TBCD: variants seen among roughly 807,000 people sequenced by gnomAD.
The protein encoded by TBCD is tubulin folding cofactor D.
A neutral mutation model predicts 169.3 loss-of-function variants in TBCD; 105 were observed. The observed-to-expected ratio is 0.62, with a 90% confidence interval of 0.53 to 0.73. The LOEUF (loss-of-function observed/expected upper bound fraction) is 0.73. Among genes scored for constraint, TBCD ranks in the 30% least tolerant of loss-of-function variants. The pLI is 0.00. For synonymous variants in TBCD, 700 were observed against 643.9 expected (o/e 1.09, Z -1.32); for missense variants, 1,444 against 1,600.1 (o/e 0.90, Z 1.66).
intron 13 of TBCD, chr17:82,830,901 TA>T (rs1280474046): frequency 3.7e-6 from 6 of 1,612,488 alleles, no homozygotes; most frequent in African/African-American, 1.3e-5. Flanking sequence ...AGAAAAAGCT[TA>T]GTAGGAGCTT....
intron 13 of TBCD, among the ~76,000 whole-genome samples, chr17:82,823,316 G>C (rs1293792157): frequency 6.6e-6 from 1 of 152,226 alleles, no homozygotes; most frequent in African/African-American, 2.4e-5. Flanking sequence ...GGTTGGGTCT[G>C]AGCACGTCCT....
intron 13 of TBCD, among the ~76,000 whole-genome samples, chr17:82,848,684 T>C (rs2055364695): frequency 6.6e-6 from 1 of 152,158 alleles, no homozygotes; most frequent in South Asian, 2.1e-4. Context: ...TTTTTTTTCA[T>C]GCTACAAAAT....
chr17:82,932,349 C>T (rs2062279300), intron 33 of TBCD, among the ~76,000 whole-genome samples: 1 of 152,232 alleles, frequency 6.6e-6, no homozygotes, highest in African/African-American at 2.4e-5. Flanking sequence ...ATTGCCGTTG[C>T]AGCTTTGTAA....
chr17:82,795,565 A>G (rs910248003), intron 7 of TBCD: 3 of 985,542 alleles, frequency 3.0e-6, no homozygotes, highest in African/African-American at 3.5e-5. Flanking sequence ...TCATGTGGCC[A>G]TGGCTGCAGG....
intron 5 of TBCD, among the ~76,000 whole-genome samples, chr17:82,770,092 T>C (rs997066052): frequency 7.9e-5 from 12 of 152,194 alleles, no homozygotes; most frequent in African/African-American, 2.9e-4. Context: ...GCGGTTTATC[T>C]GGAGTCTGTG....
chr17:82,857,730 C>T (rs2056426786), intron 13 of TBCD, among the ~76,000 whole-genome samples: 1 of 139,636 alleles, frequency 7.2e-6, no homozygotes, highest in African/African-American at 2.7e-5. Flanking sequence ...TACAACCTTG[C>T]TGCTTGTGTC....
intron 14 of TBCD, among the ~76,000 whole-genome samples, chr17:82,871,386 G>A (rs2057545751): frequency 2.0e-5 from 3 of 152,334 alleles, no homozygotes; most frequent in East Asian, 1.9e-4. Context: ...GCGGGACACC[G>A]AGGAAGGCGA....
At chr17:82,877,077 T>A in intron 14 of TBCD, 1 of 743,154 alleles carries the variant, frequency 1.3e-6, no homozygotes, top group Non-Finnish European at 1.6e-6. Context: ...TTTAAACAAA[T>A]AACACATTTC....
At chr17:82,810,572 A>G (rs1372335217) in intron 12 of TBCD, among the ~76,000 whole-genome samples, 2 of 152,164 alleles carry the variant, frequency 1.3e-5, no homozygotes, top group Non-Finnish European at 2.9e-5. Flanking sequence ...TGCGGGTGGC[A>G]GGGCCTGGGA....
Position 82,880,110 on chromosome 17 carries a change from T to C in TBCD, c.1476-4035T>C, listed in dbSNP as rs972028196. 6.6e-6 allele frequency among the ~76,000 whole-genome samples: 1 copy of C among 152,182 alleles called. No homozygotes were observed. The highest frequency in any genetic ancestry group is 1.5e-5 in the Non-Finnish European group (1 of 68,032). ...TCATCCTTCACGTACCCTATGCCTG[T>C]GGTCCTTTCTTCTGCCTCCTGTGTC... is the stretch of plus-strand genomic sequence containing the variant. On this transcript the variant is annotated intron_variant, in intron 14 of 38. Coordinates refer to ENST00000355528, the MANE Select transcript of TBCD (RefSeq NM_005993.5). The surrounding 1 kb of genome is among the most constrained non-coding windows in gnomAD (Gnocchi z 5.0).
In TBCD at chr17:82,840,953, GGTTTTTTTTTTT is replaced by G. The variant is rs1195909101; in HGVS notation, c.1318+26020_1318+26031del. On this transcript the variant is annotated intron_variant, in intron 13 of 38. Transcript: ENST00000355528. ...ACGAGCTGGCCAGGACAGACAAACT[GGTTTTTTTTTTT>G]TTTTTTTTTTTTTTTTTTGAGACAG... Among the ~76,000 whole-genome samples, 38 of 70,554 alleles carry G rather than the reference GGTTTTTTTTTTT, an allele frequency of 5.4e-4. 4 individuals carry two copies. The highest frequency in any genetic ancestry group is 2.0e-3 in the South Asian group (4 of 2,034). The allele number at this position is 70,554 out of a possible 152,430, so 46.3% of individuals were successfully genotyped here. A position where few individuals can be genotyped will look rare whatever the true frequency, so the allele number is the denominator to read the frequency against.
At chr17:82,881,595 G>T (rs558370547) in intron 14 of TBCD, among the ~76,000 whole-genome samples, 6 of 152,298 alleles carry the variant, frequency 3.9e-5, no homozygotes, top group Middle Eastern at 6.8e-3. Flanking sequence ...GGGGTACCCC[G>T]TGCCTACGTG....
chr17:82,821,001 G>A (rs964750808), intron 13 of TBCD, among the ~76,000 whole-genome samples: 1 of 152,102 alleles, frequency 6.6e-6, no homozygotes, highest in African/African-American at 2.4e-5. Context: ...TGTCGCCCAG[G>A]CTGGAGTGCA....
At chr17:82,901,474 G>A (rs1054286233) in intron 18 of TBCD, among the ~76,000 whole-genome samples, 3 of 147,890 alleles carry the variant, frequency 2.0e-5, no homozygotes, top group African/African-American at 7.4e-5. Context: ...GGAGCGGCCC[G>A]GCTGCCTGCC....
chr17:82,857,041 G>A (rs1236370177), intron 13 of TBCD, among the ~76,000 whole-genome samples: 4 of 152,260 alleles, frequency 2.6e-5, no homozygotes, highest in African/African-American at 4.8e-5. Flanking sequence ...TCCCCAAGCT[G>A]TTTCCACAGA....
chr17:82,773,426 A>T (rs1371260020), intron 6 of TBCD, among the ~76,000 whole-genome samples: 1 of 152,200 alleles, frequency 6.6e-6, no homozygotes, highest in East Asian at 1.9e-4. Context: ...TGTCTTGTCA[A>T]GGACATAAAA....
At chr17:82,788,031 G>A (rs2049434916) in intron 7 of TBCD, among the ~76,000 whole-genome samples, 5 of 152,216 alleles carry the variant, frequency 3.3e-5, no homozygotes, top group Admixed American at 3.3e-4. Flanking sequence ...GAGGCCAGGA[G>A]TTTGATACCA....
At chr17:82,895,271 C>T (rs1472580111) in intron 17 of TBCD, among the ~76,000 whole-genome samples, 4 of 152,176 alleles carry the variant, frequency 2.6e-5, no homozygotes, top group Non-Finnish European at 5.9e-5. Context: ...GGCGGCATCA[C>T]GGGGACCTGC....
In TBCD at chr17:82,920,556, T is replaced by C; in HGVS notation, c.2039T>C (p.Val680Ala). ...GLGGQLMRQA[V>A]CVLIEKLSLS... ...CTATCCTTTTTTTTTTTTTTTCCAG[T>C]GTGTGTTTTAATAGAAAAGTTGTCA... The change falls in exon 24 of 39, where the codon GTG becomes GCG. Residue 680 changes from valine to alanine, a missense_variant and splice_region_variant. Coordinates refer to ENST00000355528, the MANE Select transcript of TBCD (RefSeq NM_005993.5). This position sits in a 1 kb window ranked among gnomAD's most constrained non-coding sequence, Gnocchi z 4.1. 1 of 1,507,944 alleles carries C rather than the reference T, an allele frequency of 6.6e-7. No homozygotes were observed. Among genetic ancestry groups the C allele is most frequent in the Non-Finnish European group, 8.9e-7 (1 of 1,121,536 alleles). 93.4% of individuals were successfully genotyped at this position (1,507,944 alleles called of 1,614,324 possible).
Sources: gnomAD v4.1 joint callset for allele counts (sites outside exome capture counted in the v4.1 genomes callset) on GRCh38, gnomAD v4.1.1 for gene constraint, Gnocchi (gnomAD v3.1) non-coding constraint, MANE v1.5 for transcripts, NCBI Gene and HGNC (gene_info 2026-07-23, HGNC 2026-07-21) for gene names.